Variants in AGAP1 observed in about 807,000 individuals in gnomAD.
AGAP1 encodes arf-GAP with GTPase, ANK repeat and PH domain-containing protein 1.
Under a neutral mutation model 105.3 loss-of-function variants are expected in AGAP1, and 29 were observed. The observed-to-expected ratio is 0.28, with a 90% CI of 0.21 to 0.38. The LOEUF (loss-of-function observed/expected upper bound fraction) is 0.38, where lower values mean the gene tolerates loss of function less well. Among genes scored for constraint, AGAP1 ranks in the 10% least tolerant of loss-of-function variants. The pLI, the probability that AGAP1 is intolerant of heterozygous loss-of-function variation, is 1.00. For synonymous variants in AGAP1, 509 were observed against 485.9 expected, an observed-to-expected ratio of 1.05 and a Z score of -0.63; for missense variants, 998 against 1,165.1, an observed-to-expected ratio of 0.86 and a Z score of 2.09.
At position 235,979,429 on chromosome 2, in the gene AGAP1, G is replaced by A. The variant is rs918932773; in HGVS notation, c.1645+10806G>A. ...GGGGTCCGATCATAGTTACTGACTC[G>A]CGCTCATTTTATCAAGATGTATTAA... On this transcript the variant is annotated intron_variant, in intron 13 of 17. Coordinates refer to ENST00000304032, the MANE Select transcript of AGAP1 (RefSeq NM_001037131.3). This position sits in a 1 kb window ranked among gnomAD's most constrained non-coding sequence, Gnocchi z 4.5. Among the ~76,000 whole-genome samples, 1 of 152,068 alleles carries A rather than the reference G, an allele frequency of 6.6e-6. No homozygotes were observed. Among genetic ancestry groups the A allele is most frequent in the Non-Finnish European group, 1.5e-5 (1 of 68,016 alleles).
rs778674220 is a variant in AGAP1, at chr2:236,090,044, T to C, written c.2115-30148T>C. On this transcript the variant is annotated intron_variant, in intron 16 of 17. Transcript: ENST00000304032. This position sits in a 1 kb window ranked among gnomAD's most constrained non-coding sequence, Gnocchi z 4.3. ...TCCATCGGATACAGAAGTTTTGAGG[T>C]GAGTGGAGTTGCAGGGAGGAGCACG... Among the ~76,000 whole-genome samples, 2 of 151,974 alleles carry C rather than the reference T, an allele frequency of 1.3e-5. No individual in the cohort carries two copies. Among genetic ancestry groups the C allele is most frequent in the Non-Finnish European group, 2.9e-5 (2 of 67,972 alleles).
At chr2:235,525,870 G>A (rs1942815267) in intron 1 of AGAP1, among the ~76,000 whole-genome samples, 1 of 109,794 alleles carries the variant, frequency 9.1e-6, no homozygotes, top group Admixed American at 8.8e-5. Context: ...TAATGTGGAG[G>A]ACTGATACAT....
chr2:236,074,980 G>C (rs2058597161), intron 16 of AGAP1, among the ~76,000 whole-genome samples: 1 of 152,178 alleles, frequency 6.6e-6, no homozygotes, highest in African/African-American at 2.4e-5. Flanking sequence ...TTGAGCCCGA[G>C]AGGTGGAGGT....
Position 235,989,023 on chromosome 2 carries a change from G to T in AGAP1, c.1645+20400G>T, listed in dbSNP as rs2055443177. ...TGTCAGGCTTCCCTTGGCCAATAAT[G>T]TGGAGTCTTTTGGTTTTTCTGTTCT... On this transcript the variant is annotated intron_variant, in intron 13 of 17. Transcript: ENST00000304032. The surrounding 1 kb of genome is among the most constrained non-coding windows in gnomAD (Gnocchi z 4.4). Among the ~76,000 whole-genome samples, 1 of 152,182 alleles carries T rather than the reference G, an allele frequency of 6.6e-6. No homozygotes were observed. The highest frequency in any genetic ancestry group is 2.1e-4 in the South Asian group (1 of 4,824).
rs1213846468 is a variant in AGAP1 at position 235,979,850 on chromosome 2, T to C, written c.1645+11227T>C. 6.6e-6 allele frequency among the ~76,000 whole-genome samples: 1 copy of C among 152,248 alleles called. No individual in the cohort carries two copies. The highest frequency in any genetic ancestry group is 1.5e-5 in the Non-Finnish European group (1 of 68,044). ...AAGCAAAGGAAAAATGTTTTAGTTT[T>C]CTCTTAAGCTGATTTCGCTCTGCTT... On this transcript the variant is annotated intron_variant, in intron 13 of 17. Transcript: ENST00000304032. The surrounding 1 kb of genome is among the most constrained non-coding windows in gnomAD (Gnocchi z 4.5).
chr2:235,522,621 G>C (rs6732235), intron 1 of AGAP1, among the ~76,000 whole-genome samples: 11,012 of 152,172 alleles, frequency 0.072, 538 homozygotes, highest in Middle Eastern at 0.16. Flanking sequence ...CCTGATGAGG[G>C]AGCGATTGCA....
At chr2:235,821,774 C>T (rs1559528386) in intron 9 of AGAP1, among the ~76,000 whole-genome samples, 1 of 152,200 alleles carries the variant, frequency 6.6e-6, no homozygotes, top group African/African-American at 2.4e-5. Context: ...AGGATCCAAT[C>T]CAGGATCCCT....
At chr2:235,522,402 T>C (rs1227336788) in intron 1 of AGAP1, among the ~76,000 whole-genome samples, 1 of 152,174 alleles carries the variant, frequency 6.6e-6, no homozygotes, top group African/African-American at 2.4e-5. Context: ...TCAGCCTCTC[T>C]GTATCTGTGG....
rs1946969926 is a variant in AGAP1 at position 235,635,614 on chromosome 2, G to T, written c.164-73565G>T. On this transcript the variant is annotated intron_variant, in intron 1 of 17. Transcript: ENST00000304032. This position sits in a 1 kb window ranked among gnomAD's most constrained non-coding sequence, Gnocchi z 5.3. ...TTTGGAAACCTAGAGCAACCTACTA[G>T]ATCAATGAGTTTTCTAGGGAGGCAT... Among the ~76,000 whole-genome samples, 1 of 151,994 alleles carries T rather than the reference G, an allele frequency of 6.6e-6. No homozygotes were observed. The highest frequency in any genetic ancestry group is 1.5e-5 in the Non-Finnish European group (1 of 68,002).
In AGAP1 at chr2:235,494,874, C is replaced by T. The variant is rs576359382; in HGVS notation, c.163+25C>T. Reference sequence around the variant, plus strand: ...GGTGAGGGCCGGGCCGCCTTGGGGCCTCGGGAAGGCACGGACGCCCGCGGC... The same window carrying T: ...GGTGAGGGCCGGGCCGCCTTGGGGCTTCGGGAAGGCACGGACGCCCGCGGC... On this transcript the variant is annotated intron_variant, in intron 1 of 17. Transcript: ENST00000304032. 4.4e-5 allele frequency: 67 copies of T among 1,539,204 alleles called. No homozygotes were observed. The African/African-American group carries it at 7.4e-4, about 17-fold the overall frequency.
chr2:236,100,740 G>A (rs1176279040), intron 16 of AGAP1, among the ~76,000 whole-genome samples: 1 of 151,682 alleles, frequency 6.6e-6, no homozygotes, highest in Non-Finnish European at 1.5e-5. Flanking sequence ...TGAGGCAGGA[G>A]AATCGCTTAA....
At position 235,888,962 on chromosome 2, in the gene AGAP1, A is replaced by G. The variant is rs2050397468; in HGVS notation, c.1155+5513A>G. Among the ~76,000 whole-genome samples, 1 of 152,142 alleles carries G rather than the reference A, an allele frequency of 6.6e-6. No homozygotes were observed. ...AAAAACTCTGGGTGAGGGTTTTTCAATGTCTTCATTAGATGCCCTTAGGAA... is the reference window on the plus strand; with the variant it reads ...AAAAACTCTGGGTGAGGGTTTTTCAGTGTCTTCATTAGATGCCCTTAGGAA... On this transcript the variant is annotated intron_variant, in intron 10 of 17. Coordinates refer to ENST00000304032, the MANE Select transcript of AGAP1 (RefSeq NM_001037131.3). This position sits in a 1 kb window ranked among gnomAD's most constrained non-coding sequence, Gnocchi z 4.8.
rs78201893 is a variant in AGAP1 at position 235,877,232 on chromosome 2, G to A, written c.1051-6113G>A. 4.0e-3 allele frequency among the ~76,000 whole-genome samples: 605 copies of A among 152,242 alleles called. 1 individual carries two copies. The highest frequency in any genetic ancestry group is 6.2e-3 in the Non-Finnish European group (419 of 68,016). ...ATAATTATGCAGTTAGGTACAAGCA[G>A]AAAACTAAGATTCAGCTCCTTGTCT... On this transcript the variant is annotated intron_variant, in intron 9 of 17. Transcript: ENST00000304032. The surrounding 1 kb of genome is among the most constrained non-coding windows in gnomAD (Gnocchi z 4.3).
chr2:235,557,854 CTG>C lies in AGAP1; in HGVS notation c.163+63007_163+63008del, dbSNP rs1944021560. On this transcript the variant is annotated intron_variant, in intron 1 of 17. Coordinates refer to ENST00000304032, the MANE Select transcript of AGAP1 (RefSeq NM_001037131.3). This position sits in a 1 kb window ranked among gnomAD's most constrained non-coding sequence, Gnocchi z 4.7. ...TTAGACACTTTAGATTCACAGTTAA[CTG>C]TTGATGCTTAAATGACATTTGAGGA... Among the ~76,000 whole-genome samples, 1 of 152,228 alleles carries C rather than the reference CTG, an allele frequency of 6.6e-6. No individual in the cohort carries two copies.
intron 9 of AGAP1, among the ~76,000 whole-genome samples, chr2:235,822,453 A>C (rs550616814): frequency 6.6e-6 from 1 of 152,056 alleles, no homozygotes. Context: ...GGTGAGGAAG[A>C]GCTGGAGAAG....
rs1458732830 is a variant in AGAP1, at chr2:235,888,836, A to T, written c.1155+5387A>T. ...TGCTCCCAGCAGTGCCAGCATCCTC[A>T]TACCTTTGTTTGGGAAAGACACCCC... On this transcript the variant is annotated intron_variant, in intron 10 of 17. Transcript: ENST00000304032. This position sits in a 1 kb window ranked among gnomAD's most constrained non-coding sequence, Gnocchi z 4.8. 6.6e-6 allele frequency among the ~76,000 whole-genome samples: 1 copy of T among 152,062 alleles called. No homozygotes were observed. Among genetic ancestry groups the T allele is most frequent in the Non-Finnish European group, 1.5e-5 (1 of 68,010 alleles).
intron 1 of AGAP1, among the ~76,000 whole-genome samples, chr2:235,654,287 A>G (rs970680524): frequency 6.6e-6 from 1 of 152,174 alleles, no homozygotes; most frequent in African/African-American, 2.4e-5. Flanking sequence ...TCTTTGTGGC[A>G]TGTGACATCT....
intron 3 of AGAP1, among the ~76,000 whole-genome samples, chr2:235,738,009 G>T (rs186528299): frequency 2.0e-5 from 3 of 151,976 alleles, no homozygotes; most frequent in Admixed American, 6.6e-5. Flanking sequence ...GGCACTCAGC[G>T]TCCGGAGGGC....
rs975441421 is a variant in AGAP1, at chr2:235,783,347, G to A, written c.674-14412G>A. The A allele has an allele frequency of 1.1e-5, 5 of 471,186 alleles. No homozygotes were observed. In the Admixed American group the frequency reaches 1.2e-4, roughly 11 times the overall value. 29.2% of individuals were successfully genotyped at this position (471,186 alleles called of 1,614,324 possible). Reference sequence around the variant, plus strand: ...AAATAAATTTAGATGTATGCTTAATGTTCTAAAAGCTCTTTGTTCCTTGCT... The same window carrying A: ...AAATAAATTTAGATGTATGCTTAATATTCTAAAAGCTCTTTGTTCCTTGCT... On this transcript the variant is annotated intron_variant, in intron 6 of 17. Transcript: ENST00000304032.
Sources: gnomAD v4.1 joint callset for allele counts (sites outside exome capture counted in the v4.1 genomes callset) on GRCh38, gnomAD v4.1.1 for gene constraint, Gnocchi (gnomAD v3.1) non-coding constraint, MANE v1.5 for transcripts, NCBI Gene and HGNC (gene_info 2026-07-23, HGNC 2026-07-21) for gene names.